IQCM: variants seen among roughly 807,000 people sequenced by gnomAD.
IQCM encodes IQ motif containing M, also known as IQ domain-containing protein M.
A neutral mutation model predicts 57.6 loss-of-function variants in IQCM; 45 were observed. The ratio of observed to expected loss-of-function variants is 0.78; its 90% confidence interval spans 0.62 to 1.00. The LOEUF (loss-of-function observed/expected upper bound fraction) is 1.00. IQCM is among the 50% of genes least tolerant of loss of function. The probability of loss-of-function intolerance (pLI) is 0.00; values close to 1 mark genes in which losing one functional copy is unlikely to be tolerated. For missense variants in IQCM, 468 were observed against 511.6 expected (o/e 0.91, Z 0.82); for synonymous variants, 148 against 158.9 (o/e 0.93, Z 0.51).
At chr4:149,630,981 G>C (rs547374108) in intron 7 of IQCM, among the ~76,000 whole-genome samples, 1 of 152,096 alleles carries the variant, frequency 6.6e-6, no homozygotes, top group Non-Finnish European at 1.5e-5. Flanking sequence ...TAAATGATAA[G>C]GGTGTCTCAC....
At chr4:149,604,079 T>C (rs548352245) in intron 8 of IQCM, among the ~76,000 whole-genome samples, 8 of 152,236 alleles carry the variant, frequency 5.3e-5, no homozygotes, top group East Asian at 3.9e-4. Context: ...AAGGTAAAAC[T>C]TAACACCTGA....
chr4:149,501,543 T>TA (rs1362487017), intron 12 of IQCM, among the ~76,000 whole-genome samples: 1 of 151,722 alleles, frequency 6.6e-6, no homozygotes, highest in African/African-American at 2.4e-5. Context: ...CCATAGAATG[T>TA]AAAAAAATAA....
chr4:149,529,330 G>T (rs188005020), intron 12 of IQCM, among the ~76,000 whole-genome samples: 55 of 152,308 alleles, frequency 3.6e-4, no homozygotes, highest in Non-Finnish European at 1.5e-5. Context: ...CTCCCAAAGT[G>T]CTGGGATTAC....
At chr4:149,773,105 A>C (rs994671409) in intron 2 of IQCM, among the ~76,000 whole-genome samples, 1 of 152,186 alleles carries the variant, frequency 6.6e-6, no homozygotes, top group African/African-American at 2.4e-5. Flanking sequence ...TAATCCCAGC[A>C]CTTTGGGAGG....
chr4:149,777,891 C>T (rs1771240491), intron 2 of IQCM, among the ~76,000 whole-genome samples: 1 of 151,844 alleles, frequency 6.6e-6, no homozygotes, highest in Non-Finnish European at 1.5e-5. Flanking sequence ...AAGAGGTCAG[C>T]AATCCAAGAA....
At chr4:149,415,328 T>C (rs1034001332) in intron 13 of IQCM, among the ~76,000 whole-genome samples, 8 of 152,180 alleles carry the variant, frequency 5.3e-5, no homozygotes, top group African/African-American at 1.9e-4. Context: ...ATCCACTGAC[T>C]GGGGAATCTT....
intron 12 of IQCM, among the ~76,000 whole-genome samples, chr4:149,483,390 T>A (rs1307598316): frequency 1.3e-5 from 2 of 151,916 alleles, no homozygotes; most frequent in East Asian, 1.9e-4. Flanking sequence ...TTCTTCTTTT[T>A]GATGCAGGTT....
chr4:149,764,742 T>C (rs887176243), intron 2 of IQCM, among the ~76,000 whole-genome samples: 3 of 152,092 alleles, frequency 2.0e-5, no homozygotes, highest in South Asian at 2.1e-4. Flanking sequence ...AGAGACCTCA[T>C]AGCTGGATAG....
chr4:149,589,697 T>C (rs1752953189), intron 8 of IQCM, among the ~76,000 whole-genome samples: 1 of 151,990 alleles, frequency 6.6e-6, no homozygotes, highest in African/African-American at 2.4e-5. Context: ...GCATCATCTC[T>C]CAATATTTGT....
At position 149,481,453 on chromosome 4, in the gene IQCM, T is replaced by C. The variant is rs1445154292; in HGVS notation, c.1229-47896A>G. On this transcript the variant is annotated intron_variant, in intron 12 of 13. Coordinates refer to ENST00000636793, the MANE Select transcript of IQCM (RefSeq NM_001363507.2). ...TTGTATAGAGCAAGTAATAGGGGTC[T>C]AGTTTTATTCTTCTGCATATGGATA... Among the ~76,000 whole-genome samples, 3 of 152,000 alleles carry C rather than the reference T, an allele frequency of 2.0e-5. No homozygotes were observed. In the East Asian group the frequency reaches 5.8e-4, roughly 29 times the overall value.
intron 12 of IQCM, among the ~76,000 whole-genome samples, chr4:149,442,454 C>T (rs1327446054): frequency 1.3e-5 from 2 of 152,004 alleles, no homozygotes; most frequent in East Asian, 1.9e-4. Context: ...ACAGGCTGCA[C>T]ATTCAATTCT....
Position 149,678,693 on chromosome 4 carries a change from A to G in IQCM, c.565+3425T>C, listed in dbSNP as rs564530638. Among the ~76,000 whole-genome samples the G allele has an allele frequency of 9.2e-5, 14 of 151,828 alleles. No individual in the cohort carries two copies. The Middle Eastern group carries it at 0.014, about 148-fold the overall frequency. On this transcript the variant is annotated intron_variant, in intron 7 of 13. Coordinates refer to ENST00000636793, the MANE Select transcript of IQCM (RefSeq NM_001363507.2). ...ATAAATAAATCTAGTATGAAGTCCTAAAGACAAATCTAGCAACAACAATAA... is the reference window on the plus strand; with the variant it reads ...ATAAATAAATCTAGTATGAAGTCCTGAAGACAAATCTAGCAACAACAATAA...
chr4:149,813,553 T>C (rs976132889), intron 2 of IQCM, among the ~76,000 whole-genome samples: 1 of 152,004 alleles, frequency 6.6e-6, no homozygotes, highest in African/African-American at 2.4e-5. Context: ...CAGTACCAAT[T>C]TCTCTAAAAC....
chr4:149,662,247 T>G (rs566318076), intron 7 of IQCM, among the ~76,000 whole-genome samples: 1 of 152,180 alleles, frequency 6.6e-6, no homozygotes, highest in African/African-American at 2.4e-5. Context: ...TTTTGTTATG[T>G]TTCTGAAGAT....
intron 5 of IQCM, among the ~76,000 whole-genome samples, chr4:149,724,907 A>T (rs1374948338): frequency 6.6e-6 from 1 of 152,018 alleles, no homozygotes; most frequent in Non-Finnish European, 1.5e-5. Context: ...CAATCATTTT[A>T]GTAATCTAAT....
At chr4:149,699,637 GA>G in intron 5 of IQCM, among the ~76,000 whole-genome samples, 1 of 138,510 alleles carries the variant, frequency 7.2e-6, no homozygotes, top group Non-Finnish European at 1.5e-5. Flanking sequence ...CATATCTGTA[GA>G]GTCAGAGCTT....
chr4:149,766,818 T>C (rs1409739993), intron 2 of IQCM, among the ~76,000 whole-genome samples: 2 of 152,082 alleles, frequency 1.3e-5, no homozygotes, highest in East Asian at 1.9e-4. Flanking sequence ...TGGATTCCTA[T>C]AGGTACAGGA....
At chr4:149,583,433 T>C (rs1752385770) in intron 9 of IQCM, among the ~76,000 whole-genome samples, 1 of 151,588 alleles carries the variant, frequency 6.6e-6, no homozygotes, top group Non-Finnish European at 1.5e-5. Context: ...TTTTCCTCTA[T>C]GAATTAAAGA....
Position 149,734,656 on chromosome 4 carries a change from C to T in IQCM, c.120+720G>A, listed in dbSNP as rs557411504. 1.1e-4 allele frequency among the ~76,000 whole-genome samples: 17 copies of T among 152,050 alleles called. No individual in the cohort carries two copies. The South Asian group carries it at 2.7e-3, about 24-fold the overall frequency. ...ATCATTTGACACACAGTAAACCATC[C>T]GAAGTTACCCTCCCCTCACCTGTCT... is the stretch of plus-strand genomic sequence containing the variant. On this transcript the variant is annotated intron_variant, in intron 4 of 13. Transcript: ENST00000636793.
Sources: gnomAD v4.1 joint callset for allele counts (sites outside exome capture counted in the v4.1 genomes callset) on GRCh38, gnomAD v4.1.1 for gene constraint, MANE v1.5 for transcripts, NCBI Gene and HGNC (gene_info 2026-07-23, HGNC 2026-07-21) for gene names.